The following POU3F3 variants were observed in gnomAD, a reference collection of about 807,000 sequenced individuals.
POU3F3 encodes POU class 3 homeobox 3.
A neutral mutation model predicts 8.6 loss-of-function variants in POU3F3; 1 was observed. The observed-to-expected ratio is 0.12, with a 90% CI of 0.04 to 0.55. POU3F3 has a LOEUF of 0.55. POU3F3 is among the 20% of genes least tolerant of loss of function. The pLI is 0.91. For synonymous variants in POU3F3, 418 were observed against 327.4 expected, an observed-to-expected ratio of 1.28 and a Z score of -2.99; for missense variants, 577 against 690.7, an observed-to-expected ratio of 0.84 and a Z score of 1.84.
the POU3F3 span, among the ~76,000 whole-genome samples, chr2:104,882,111 T>C: frequency 6.6e-6 from 1 of 152,216 alleles, no homozygotes; most frequent in Non-Finnish European, 1.5e-5. Context: ...TAAAAATATA[T>C]GCAGAGTGTT....
chr2:104,880,575 C>T, the POU3F3 span, among the ~76,000 whole-genome samples: 1 of 152,202 alleles, frequency 6.6e-6, no homozygotes, highest in Non-Finnish European at 1.5e-5. Context: ...CTGCAAGTGT[C>T]CACATCAGTC....
the POU3F3 span, among the ~76,000 whole-genome samples, chr2:104,903,241 T>G: frequency 6.6e-6 from 1 of 152,188 alleles, no homozygotes; most frequent in Non-Finnish European, 1.5e-5. Flanking sequence ...CTATAAGACT[T>G]TAGAAATATT....
chr2:104,893,947 T>C, the POU3F3 span, among the ~76,000 whole-genome samples: 1 of 150,480 alleles, frequency 6.6e-6, no homozygotes, highest in Admixed American at 6.6e-5. Context: ...TACAAGTAGG[T>C]GCTTCAATCA....
the POU3F3 span, among the ~76,000 whole-genome samples, chr2:104,921,517 G>T: frequency 6.6e-6 from 1 of 152,132 alleles, no homozygotes; most frequent in Non-Finnish European, 1.5e-5. Flanking sequence ...CCCAAGTCAG[G>T]CAGCCATACA....
At chr2:104,896,903 A>G in the POU3F3 span, among the ~76,000 whole-genome samples, 2 of 152,224 alleles carry the variant, frequency 1.3e-5, no homozygotes, top group Non-Finnish European at 2.9e-5. Context: ...CTTGACATGA[A>G]TGCAACACAG....
the POU3F3 span, among the ~76,000 whole-genome samples, chr2:104,884,952 C>A: frequency 6.6e-6 from 1 of 152,126 alleles, no homozygotes; most frequent in Non-Finnish European, 1.5e-5. Flanking sequence ...GCTCCTCACA[C>A]ACTTAGTGTG....
the POU3F3 span, among the ~76,000 whole-genome samples, chr2:104,875,737 G>T: frequency 6.6e-6 from 1 of 152,140 alleles, no homozygotes; most frequent in African/African-American, 2.4e-5. Flanking sequence ...TTGTTTTTGA[G>T]ATGGAGTCTC....
At chr2:104,922,964 G>A in the POU3F3 span, among the ~76,000 whole-genome samples, 1 of 152,126 alleles carries the variant, frequency 6.6e-6, no homozygotes, top group African/African-American at 2.4e-5. Flanking sequence ...CAGAAATTCT[G>A]GAGGCCAGAA....
chr2:104,876,303 A>G, the POU3F3 span, among the ~76,000 whole-genome samples: 1 of 152,174 alleles, frequency 6.6e-6, no homozygotes, highest in African/African-American at 2.4e-5. Context: ...AAGAAATACT[A>G]GTGCCTTAGA....
chr2:104,856,251 G>A lies in POU3F3; in HGVS notation c.741G>A (p.Ala247=), dbSNP rs1444312147. The change falls in exon 1 of 1, where the codon GCG becomes GCA. Residue 247 remains alanine, a synonymous_variant. Transcript: ENST00000361360. ...GGCCCGGCGGCGGCGGCGGCGGCGC[G>A]GGCGGTGGAGCCCAGAGCTTGGTGC... ...PPGPGGGGGG[A]GGGAQSLVHP... 5 of 1,290,068 alleles carry A rather than the reference G, an allele frequency of 3.9e-6. No homozygotes were observed. The highest frequency in any genetic ancestry group is 5.5e-5 in the South Asian group (2 of 36,224). The allele number at this position is 1,290,068 out of a possible 1,614,324, so 79.9% of individuals were successfully genotyped here.
chr2:104,859,492 G>T (rs1274045477), downstream of POU3F3, among the ~76,000 whole-genome samples: 2 of 152,116 alleles, frequency 1.3e-5, no homozygotes. Context: ...CGATTTTATA[G>T]ACAAATTCCC....
At chr2:104,888,609 C>T in the POU3F3 span, among the ~76,000 whole-genome samples, 2 of 152,258 alleles carry the variant, frequency 1.3e-5, no homozygotes, top group East Asian at 3.9e-4. Flanking sequence ...GTAAATCCCA[C>T]CCCCACGAGA....
chr2:104,924,714 C>T, the POU3F3 span, among the ~76,000 whole-genome samples: 1 of 152,196 alleles, frequency 6.6e-6, no homozygotes, highest in Non-Finnish European at 1.5e-5. Context: ...TATTCATCCT[C>T]TCTTTTTCTG....
chr2:104,856,130 C>A lies in POU3F3; in HGVS notation c.620C>A (p.Pro207Gln). The A allele has an allele frequency of 8.3e-7, 1 of 1,201,578 alleles. No homozygotes were observed. Among genetic ancestry groups the A allele is most frequent in the Non-Finnish European group, 1.0e-6 (1 of 969,268 alleles). 74.4% of individuals were successfully genotyped at this position (1,201,578 alleles called of 1,614,324 possible). A position where few individuals can be genotyped will look rare whatever the true frequency, so the allele number is the denominator to read the frequency against. The change falls in exon 1 of 1, where the codon CCG becomes CAG. Residue 207 changes from proline (P) to glutamine (Q), a missense_variant. Pro to Gln is a moderately conservative substitution (Grantham distance 76). Transcript: ENST00000361360. ...GCCGCCGCCGCCGCCGCGCACCTCC[C>A]GTCCATGGCCGGGGGCCAGCAGCCG... is the stretch of plus-strand genomic sequence containing the variant. ...AAAAAAAAHL[P>Q]SMAGGQQPPP...
chr2:104,915,122 C>T, the POU3F3 span, among the ~76,000 whole-genome samples: 467 of 152,332 alleles, frequency 3.1e-3, 5 homozygotes, highest in African/African-American at 0.011. Flanking sequence ...ACCTGAGTCA[C>T]TTCTAGCAAA....
At chr2:104,883,469 A>C in the POU3F3 span, among the ~76,000 whole-genome samples, 5 of 152,214 alleles carry the variant, frequency 3.3e-5, no homozygotes, top group African/African-American at 1.2e-4. Context: ...TGAAACCAGC[A>C]GGTCTTTCCT....
the POU3F3 span, chr2:104,868,266 G>A: frequency 2.0e-5 from 9 of 456,526 alleles, no homozygotes; most frequent in African/African-American, 1.0e-4. Flanking sequence ...AGCGCAGAGC[G>A]GGCGGCAGTG....
chr2:104,909,735 G>A, the POU3F3 span, among the ~76,000 whole-genome samples: 1 of 152,350 alleles, frequency 6.6e-6, no homozygotes, highest in East Asian at 1.9e-4. Context: ...CAAGTGACTG[G>A]TAATGAAGAC....
At chr2:104,912,107 G>T in the POU3F3 span, among the ~76,000 whole-genome samples, 2 of 152,142 alleles carry the variant, frequency 1.3e-5, no homozygotes, top group South Asian at 2.1e-4. Context: ...CCAGGGTGCC[G>T]TCATGGGAGC....
Sources: gnomAD v4.1 joint callset for allele counts (sites outside exome capture counted in the v4.1 genomes callset) on GRCh38, gnomAD v4.1.1 for gene constraint, MANE v1.5 for transcripts, NCBI Gene and HGNC (gene_info 2026-07-23, HGNC 2026-07-21) for gene names.